Variants in DCC observed in about 807,000 individuals in gnomAD.
DCC encodes DCC netrin 1 receptor, also known as netrin receptor DCC.
In DCC, 58 loss-of-function variants were observed where a neutral mutation model predicts 172.5. The ratio of observed to expected loss-of-function variants is 0.34; its 90% CI spans 0.27 to 0.42. The LOEUF (loss-of-function observed/expected upper bound fraction) is 0.42. Ranked by LOEUF, DCC falls within the 10% of genes least tolerant of loss-of-function variation. The pLI, the probability that DCC is intolerant of heterozygous loss-of-function variation, is 1.00. For synonymous variants in DCC, 709 were observed against 644.5 expected (o/e 1.10, Z -1.52); for missense variants, 1,740 against 1,791.0 (o/e 0.97, Z 0.51).
At chr18:52,397,484 A>T (rs1052391510) in intron 1 of DCC, among the ~76,000 whole-genome samples, 1 of 152,032 alleles carries the variant, frequency 6.6e-6, no homozygotes. Context: ...TATTGCTGCT[A>T]TATGCATAAA....
intron 9 of DCC, among the ~76,000 whole-genome samples, chr18:53,179,549 C>T (rs574813058): frequency 5.7e-4 from 87 of 152,190 alleles, no homozygotes; most frequent in African/African-American, 2.0e-3. Flanking sequence ...GAACACGCAC[C>T]GCATGCACTG....
chr18:53,172,819 C>A (rs2055033732), intron 8 of DCC, among the ~76,000 whole-genome samples: 1 of 151,954 alleles, frequency 6.6e-6, no homozygotes, highest in South Asian at 2.1e-4. Flanking sequence ...CCTTATTTTT[C>A]CACTATTGTT....
rs563422379 is a variant in DCC, at chr18:53,435,198, G to T, written c.3218G>T (p.Ser1073Ile). Residue 1073 changes from serine (S) to isoleucine (I), a missense_variant, in exon 22 of 29, where the codon AGC becomes ATC. Physicochemically the swap from Ser to Ile is moderately radical, Grantham distance 142. Coordinates refer to ENST00000442544, the MANE Select transcript of DCC (RefSeq NM_005215.4). ...GTTGATACTAATTTGATTGATAGAAGCACCCTAAATGGTAAGTATATAAAT... is the reference window on the plus strand; with the variant it reads ...GTTGATACTAATTTGATTGATAGAATCACCCTAAATGGTAAGTATATAAAT... ...WPVDTNLIDR[S>I]TLNEPPIGQM... is the part of the protein sequence containing the mutation. The T allele has an allele frequency of 6.3e-7, 1 of 1,594,544 alleles. No homozygotes were observed. The highest frequency in any genetic ancestry group is 1.1e-5 in the South Asian group (1 of 90,682).
intron 27 of DCC, among the ~76,000 whole-genome samples, chr18:53,503,443 C>T (rs926367941): frequency 1.3e-5 from 2 of 152,070 alleles, no homozygotes; most frequent in African/African-American, 4.8e-5. Context: ...CGTGAATAAC[C>T]GTGAGATCTT....
At chr18:52,481,464 C>T (rs117642329) in intron 1 of DCC, among the ~76,000 whole-genome samples, 1,524 of 152,174 alleles carry the variant, frequency 0.01, 58 homozygotes, top group Admixed American at 0.064. Context: ...CTGTACTACC[C>T]GCCACCCCCG....
intron 3 of DCC, 26 bp from the exon 4 acceptor site, chr18:52,923,681 T>TATGATA (rs759443754): frequency 3.9e-6 from 6 of 1,548,348 alleles, no homozygotes; most frequent in Non-Finnish European, 5.4e-6. Context: ...TCATATATCA[T>TATGATA]ATGATACTGT....
intron 27 of DCC, among the ~76,000 whole-genome samples, chr18:53,508,651 G>A (rs556202532): frequency 6.6e-6 from 1 of 152,196 alleles, no homozygotes; most frequent in Admixed American, 6.5e-5. Flanking sequence ...AGGCTGCTTG[G>A]TGCACACATG....
chr18:53,403,959 G>A (rs182667013), intron 19 of DCC, among the ~76,000 whole-genome samples: 18 of 152,064 alleles, frequency 1.2e-4, no homozygotes, highest in African/African-American at 4.3e-4. Flanking sequence ...ATTTTTATTC[G>A]AGCTGACAAA....
At chr18:53,154,216 G>T (rs1034342939) in intron 7 of DCC, among the ~76,000 whole-genome samples, 1 of 152,098 alleles carries the variant, frequency 6.6e-6, no homozygotes, top group Admixed American at 6.6e-5. Context: ...TCCCCGATGG[G>T]ATTTGCCCTT....
At chr18:53,013,162 G>A (rs1160619915) in intron 5 of DCC, among the ~76,000 whole-genome samples, 1 of 152,108 alleles carries the variant, frequency 6.6e-6, no homozygotes, top group Non-Finnish European at 1.5e-5. Context: ...AGACAGTGTG[G>A]TGATTCCTCG....
chr18:52,845,552 G>T (rs2038872889), intron 2 of DCC, among the ~76,000 whole-genome samples: 1 of 152,128 alleles, frequency 6.6e-6, no homozygotes, highest in African/African-American at 2.4e-5. Flanking sequence ...TGCAAACCTG[G>T]CACCAGCATC....
At chr18:53,245,507 T>C (rs2056355062) in intron 12 of DCC, among the ~76,000 whole-genome samples, 1 of 152,144 alleles carries the variant, frequency 6.6e-6, no homozygotes, top group Non-Finnish European at 1.5e-5. Flanking sequence ...AGCATATGAA[T>C]AGAATTATGT....
At chr18:52,574,961 A>G (rs993097548) in intron 1 of DCC, among the ~76,000 whole-genome samples, 1 of 152,146 alleles carries the variant, frequency 6.6e-6, no homozygotes, top group African/African-American at 2.4e-5. Context: ...TGTACTTTCA[A>G]TGACTTGAGC....
In DCC at chr18:53,322,151, C is replaced by G. The variant is rs138143831; in HGVS notation, c.2158C>G (p.Leu720Val). The change falls in exon 14 of 29, where the codon CTA becomes GTA. Residue 720 changes from leucine to valine, a missense_variant. Transcript: ENST00000442544. ...WYTAETPEND[L>V]DESQVPDQPS... is the part of the protein sequence containing the mutation. Reference sequence around the variant, plus strand: ...TACTGCAGAGACTCCAGAGAATGATCTAGATGGTAAGACTTTTTCCCAGTT... The same window carrying G: ...TACTGCAGAGACTCCAGAGAATGATGTAGATGGTAAGACTTTTTCCCAGTT... 3.3e-6 allele frequency: 5 copies of G among 1,495,582 alleles called. No individual in the cohort carries two copies. The East Asian group carries it at 6.8e-5, about 20-fold the overall frequency. The allele number at this position is 1,495,582 out of a possible 1,614,324, so 92.6% of individuals were successfully genotyped here.
intron 5 of DCC, among the ~76,000 whole-genome samples, chr18:52,927,567 G>A (rs558895770): frequency 6.6e-6 from 1 of 151,910 alleles, no homozygotes; most frequent in African/African-American, 2.4e-5. Context: ...TTTTTCCTTA[G>A]GCCAGATGAT....
intron 14 of DCC, among the ~76,000 whole-genome samples, chr18:53,323,019 G>A (rs947575427): frequency 1.1e-4 from 16 of 152,088 alleles, no homozygotes; most frequent in Non-Finnish European, 1.5e-5. Flanking sequence ...TATTGAAAAT[G>A]TGACAGCACA....
chr18:53,157,693 G>T (rs759146508), intron 8 of DCC, among the ~76,000 whole-genome samples, 181 bp downstream of exon 8: 1 of 152,132 alleles, frequency 6.6e-6, no homozygotes, highest in Non-Finnish European at 1.5e-5. Flanking sequence ...TGTTGACACA[G>T]TCTAATGAAA....
chr18:52,510,119 C>CAAA (rs34308021), intron 1 of DCC, among the ~76,000 whole-genome samples: 1 of 132,986 alleles, frequency 7.5e-6, no homozygotes, highest in Admixed American at 7.6e-5. Context: ...GCATCCCCTT[C>CAAA]AAAAAAAAAA....
At chr18:52,896,708 T>C (rs1047238910) in intron 2 of DCC, among the ~76,000 whole-genome samples, 1 of 152,214 alleles carries the variant, frequency 6.6e-6, no homozygotes, top group African/African-American at 2.4e-5. Flanking sequence ...ACTGCCTCTG[T>C]TGGCCCTATA....
Sources: allele counts gnomAD v4.1 joint callset (sites outside exome capture counted in the v4.1 genomes callset), GRCh38; gene constraint gnomAD v4.1.1; transcripts MANE v1.5; gene names NCBI Gene and HGNC (gene_info 2026-07-23, HGNC 2026-07-21).